RBFOX1: variants seen among roughly 807,000 people sequenced by gnomAD.
RBFOX1 encodes the protein RNA binding fox-1 homolog 1.
RBFOX1 carries 8 observed loss-of-function variants against 57.7 expected under a neutral mutation model. That is an observed-to-expected ratio of 0.14 (90% confidence interval 0.08 to 0.25). The LOEUF (loss-of-function observed/expected upper bound fraction) is 0.25, where lower values mean the gene tolerates loss of function less well. RBFOX1 is among the 10% of genes least tolerant of loss of function. The pLI is 1.00. For missense variants in RBFOX1, 611 were observed against 548.5 expected (o/e 1.11, Z -1.14); for synonymous variants, 326 against 222.4 (o/e 1.47, Z -4.15).
At chr16:7,291,962 AAT>A (rs2095787292) in intron 4 of RBFOX1, among the ~76,000 whole-genome samples, 2 of 108,958 alleles carry the variant, frequency 1.8e-5, no homozygotes, top group Admixed American at 1.1e-4. Context: ...TATAATATAT[AAT>A]ATATTTTATA....
intron 3 of RBFOX1, among the ~76,000 whole-genome samples, chr16:5,829,654 A>G (rs2056195416): frequency 6.6e-6 from 1 of 151,984 alleles, no homozygotes; most frequent in African/African-American, 2.4e-5. Flanking sequence ...TGGGCTGTGT[A>G]GATCTGCTGT....
At chr16:7,529,330 T>A (rs887899949) in intron 5 of RBFOX1, among the ~76,000 whole-genome samples, 5 of 152,214 alleles carry the variant, frequency 3.3e-5, no homozygotes, top group African/African-American at 4.8e-5. Context: ...ACATCCATGC[T>A]TAGAGAGATT....
intron 5 of RBFOX1, among the ~76,000 whole-genome samples, chr16:7,531,174 C>G (rs1341527775): frequency 6.6e-6 from 1 of 152,116 alleles, no homozygotes; most frequent in Non-Finnish European, 1.5e-5. Flanking sequence ...ATCATACAAT[C>G]CAAACAATAT....
intron 4 of RBFOX1, among the ~76,000 whole-genome samples, chr16:7,066,677 T>C (rs1175943912): frequency 1.3e-5 from 2 of 152,310 alleles, no homozygotes; most frequent in African/African-American, 4.8e-5. Context: ...ATCTATGTGT[T>C]CTAATTTAAG....
chr16:5,940,337 C>T (rs925375250), intron 4 of RBFOX1, among the ~76,000 whole-genome samples: 6 of 152,160 alleles, frequency 3.9e-5, no homozygotes, highest in Admixed American at 6.5e-5. Flanking sequence ...TTGAGCATCT[C>T]GTTTTTCCAG....
intron 5 of RBFOX1, among the ~76,000 whole-genome samples, chr16:7,518,677 G>A (rs138369934): frequency 2.8e-4 from 42 of 151,996 alleles, no homozygotes; most frequent in African/African-American, 9.4e-4. Flanking sequence ...TCATCCCAAT[G>A]AAATCTCATT....
intron 3 of RBFOX1, among the ~76,000 whole-genome samples, chr16:6,871,411 C>G (rs560306549): frequency 1.1e-3 from 172 of 152,234 alleles, no homozygotes; most frequent in Non-Finnish European, 2.0e-3. Flanking sequence ...GTCTCAAACT[C>G]CTGAGGTCAA....
chr16:6,846,866 A>G (rs1290103002), intron 3 of RBFOX1, among the ~76,000 whole-genome samples: 1 of 152,064 alleles, frequency 6.6e-6, no homozygotes, highest in African/African-American at 2.4e-5. Flanking sequence ...AGTTCTAGTA[A>G]AGCCTGGAAG....
chr16:5,672,806 C>T (rs891758357), intron 3 of RBFOX1, among the ~76,000 whole-genome samples: 1 of 152,050 alleles, frequency 6.6e-6, no homozygotes, highest in African/African-American at 2.4e-5. Flanking sequence ...GATGGTCCTA[C>T]CTAGACCAGA....
chr16:7,513,543 G>A (rs2075681001), intron 4 of RBFOX1, among the ~76,000 whole-genome samples: 1 of 152,158 alleles, frequency 6.6e-6, no homozygotes, highest in African/African-American at 2.4e-5. Context: ...GTGGTTCAAG[G>A]TAGTCGTATA....
intron 3 of RBFOX1, among the ~76,000 whole-genome samples, chr16:7,050,153 G>A (rs78865540): frequency 8.1e-6 from 1 of 122,720 alleles, no homozygotes; most frequent in East Asian, 2.7e-4. Context: ...TTCAATGTGG[G>A]CTTTTTTTTT....
At chr16:6,518,669 A>C (rs1009441946) in intron 2 of RBFOX1, among the ~76,000 whole-genome samples, 4 of 152,086 alleles carry the variant, frequency 2.6e-5, no homozygotes, top group African/African-American at 9.7e-5. Flanking sequence ...CACCCGGAGT[A>C]ACTGCCCTTT....
chr16:5,953,285 T>C (rs1248642225), intron 4 of RBFOX1, among the ~76,000 whole-genome samples: 1 of 152,224 alleles, frequency 6.6e-6, no homozygotes, highest in African/African-American at 2.4e-5. Context: ...GTGTAACAAT[T>C]TTTTAGTATA....
intron 4 of RBFOX1, among the ~76,000 whole-genome samples, chr16:5,984,066 C>T (rs1208569625): frequency 3.4e-5 from 2 of 58,338 alleles, no homozygotes; most frequent in African/African-American, 1.7e-4. Context: ...CCTCCTTCTC[C>T]CTCCCACTCC....
chr16:7,488,778 A>G lies in RBFOX1; in HGVS notation c.28-29369A>G, dbSNP rs1035547280. Among the ~76,000 whole-genome samples, 6 of 152,204 alleles carry G rather than the reference A, an allele frequency of 3.9e-5. No individual in the cohort carries two copies. In the East Asian group the frequency reaches 7.7e-4, roughly 20 times the overall value. On this transcript the variant is annotated intron_variant, in intron 4 of 15. Coordinates refer to ENST00000550418, the MANE Select transcript of RBFOX1 (RefSeq NM_018723.4). ...TATCACTTTATTTGTATATGTATAC[A>G]TCTATCTATACATATCCATACATTA...
chr16:6,582,172 C>T (rs1170480180), intron 2 of RBFOX1, among the ~76,000 whole-genome samples: 3 of 152,144 alleles, frequency 2.0e-5, no homozygotes. Flanking sequence ...ATATAAAACA[C>T]AATTTTGTGA....
chr16:6,962,201 C>T (rs961699820), intron 3 of RBFOX1, among the ~76,000 whole-genome samples: 2 of 152,136 alleles, frequency 1.3e-5, no homozygotes, highest in Admixed American at 6.5e-5. Flanking sequence ...ATGACTCCAA[C>T]TCTGCTTGTT....
intron 1 of RBFOX1, among the ~76,000 whole-genome samples, chr16:5,386,562 A>C (rs2066263288): frequency 6.6e-6 from 1 of 151,980 alleles, no homozygotes; most frequent in South Asian, 2.1e-4. Context: ...CTCACTGGCC[A>C]TCTCACTGCA....
chr16:7,610,626 G>A (rs567938539), intron 10 of RBFOX1, among the ~76,000 whole-genome samples: 28 of 152,254 alleles, frequency 1.8e-4, no homozygotes, highest in African/African-American at 4.6e-4. Flanking sequence ...TCAGCTGTAC[G>A]TTTGTATGTA....
Sources: gnomAD v4.1 joint callset for allele counts (sites outside exome capture counted in the v4.1 genomes callset) on GRCh38, gnomAD v4.1.1 for gene constraint, MANE v1.5 for transcripts, NCBI Gene and HGNC (gene_info 2026-07-23, HGNC 2026-07-21) for gene names.